BRSK1: variants seen among roughly 807,000 people sequenced by gnomAD.
BRSK1 encodes the protein BR serine/threonine kinase 1, also known as serine/threonine-protein kinase BRSK1.
Under a neutral mutation model 86.2 loss-of-function variants are expected in BRSK1, and 17 were observed. The observed-to-expected ratio is 0.20, with a 90% confidence interval of 0.14 to 0.30. The LOEUF (loss-of-function observed/expected upper bound fraction) is 0.30, where lower values mean the gene tolerates loss of function less well. Ranked by LOEUF, BRSK1 falls within the 10% of genes least tolerant of loss-of-function variation. BRSK1 has a pLI of 1.00. For synonymous variants in BRSK1, 464 were observed against 440.1 expected (o/e 1.05, Z -0.68); for missense variants, 719 against 1,071.9 (o/e 0.67, Z 4.60).
intron 7 of BRSK1, among the ~76,000 whole-genome samples, chr19:55,297,208 C>T (rs2088501776): frequency 6.6e-6 from 1 of 151,896 alleles, no homozygotes; most frequent in Non-Finnish European, 1.5e-5. Flanking sequence ...TCCCAAGTAG[C>T]AGGGACTACA....
At position 55,311,972 on chromosome 19, in the gene BRSK1, AC is replaced by A; in HGVS notation, c.2244del (p.Gly749AlafsTer7). The A allele has an allele frequency of 2.1e-6, 3 of 1,416,610 alleles. No individual in the cohort carries two copies. The highest frequency in any genetic ancestry group is 2.8e-6 in the Non-Finnish European group (3 of 1,056,464). 87.8% of individuals were successfully genotyped at this position (1,416,610 alleles called of 1,614,324 possible). On this transcript the variant is annotated frameshift_variant, in exon 19 of 19. Transcript: ENST00000309383. LOFTEE classifies it high-confidence loss of function. ...GAPPRSLQPPPGRPDPELSSS... is the reference protein window; with the variant it reads ...GAPPRSLQPPXGRPDPELSSS... Reference sequence around the variant, plus strand: ...CCCCACCCCGAAGCCTGCAGCCCCCACCCGGCCGCCCAGACCCAGAGCTGAG... The same window carrying A: ...CCCCACCCCGAAGCCTGCAGCCCCCACCGGCCGCCCAGACCCAGAGCTGAG...
Position 55,302,709 on chromosome 19 carries a change from C to A in BRSK1, c.870C>A (p.His290Gln), listed in dbSNP as rs1212688414. Reference sequence around the variant, plus strand: ...TCCACTTCCCCAGAGGCGGGAAACACGAGCCAGACCCGTGCCTGGAGCCAG... The same window carrying A: ...TCCACTTCCCCAGAGGCGGGAAACAAGAGCCAGACCCGTGCCTGGAGCCAG... ...QKHPWYLGGK[H>Q]EPDPCLEPAP... The change falls in exon 10 of 19, where the codon CAC becomes CAA. Residue 290 changes from histidine to glutamine, a missense_variant. His to Gln is a conservative substitution (Grantham distance 24). Transcript: ENST00000309383. The surrounding 1 kb of genome is among the most constrained non-coding windows in gnomAD (Gnocchi z 6.3). The A allele has an allele frequency of 2.5e-6, 4 of 1,605,954 alleles. No homozygotes were observed. The highest frequency in any genetic ancestry group is 1.1e-5 in the South Asian group (1 of 90,818).
Position 55,287,392 on chromosome 19 carries a change from G to A in BRSK1, c.317+93G>A. On this transcript the variant is annotated intron_variant, in intron 3 of 18. Transcript: ENST00000309383. The surrounding 1 kb of genome is among the most constrained non-coding windows in gnomAD (Gnocchi z 5.3). ...CAGAAACAGGGCCTAGGGGGACCTG[G>A]GGGACCTGCAGCTCTCCAGGCTGGA... 8.2e-7 allele frequency: 1 copy of A among 1,219,022 alleles called. No individual in the cohort carries two copies. Among genetic ancestry groups the A allele is most frequent in the Non-Finnish European group, 1.2e-6 (1 of 835,142 alleles). The allele number at this position is 1,219,022 out of a possible 1,614,324, so 75.5% of individuals were successfully genotyped here.
rs1165209035 is a variant in BRSK1 at position 55,287,157 on chromosome 19, CA to C, written c.232-56del. On this transcript the variant is annotated intron_variant, in intron 2 of 18. Coordinates refer to ENST00000309383, the MANE Select transcript of BRSK1 (RefSeq NM_032430.2). This position sits in a 1 kb window ranked among gnomAD's most constrained non-coding sequence, Gnocchi z 5.3. ...GTGGGGGGGCCTCCGGGGCTGAGGG[CA>C]GGGGCGGGGCCGTGCTGACCTCTTT... 2 of 1,608,972 alleles carry C rather than the reference CA, an allele frequency of 1.2e-6. No individual in the cohort carries two copies. Among genetic ancestry groups the C allele is most frequent in the Non-Finnish European group, 1.7e-6 (2 of 1,175,722 alleles).
In BRSK1 at chr19:55,304,604, CG is replaced by C; in HGVS notation, c.1406del (p.Gly469AlafsTer114). On this transcript the variant is annotated frameshift_variant, in exon 14 of 19. Coordinates refer to ENST00000309383, the MANE Select transcript of BRSK1 (RefSeq NM_032430.2). LOFTEE classifies it high-confidence loss of function. This position sits in a 1 kb window ranked among gnomAD's most constrained non-coding sequence, Gnocchi z 5.2. ...CGGGGGCTGGAGATGAGGCTCGAGG[CG>C]GGGGCTCCCCGACTTCCAAAACGCA... ...EPGAGDEARG[G>X]GSPTSKTQTL... 4 of 1,575,628 alleles carry C rather than the reference CG, an allele frequency of 2.5e-6. No homozygotes were observed. The highest frequency in any genetic ancestry group is 1.8e-5 in the Admixed American group (1 of 54,166).
intron 7 of BRSK1, among the ~76,000 whole-genome samples, chr19:55,296,154 A>G (rs934917296): frequency 7.0e-6 from 1 of 143,138 alleles, no homozygotes; most frequent in African/African-American, 2.6e-5. Flanking sequence ...CCTCCTCCCC[A>G]CTCCTGTAAG....
In BRSK1 at chr19:55,304,644, C is replaced by T. The variant is rs1264192115; in HGVS notation, c.1441C>T (p.Arg481Trp). Residue 481 changes from arginine (R) to tryptophan (W), a missense_variant, in exon 14 of 19, where the codon CGG becomes TGG. By Grantham distance (101) the Arg-to-Trp change is moderately radical. This residue lies in a region of BRSK1 where 143 missense variants were observed against 120.1 expected (regional missense o/e 1.19). Coordinates refer to ENST00000309383, the MANE Select transcript of BRSK1 (RefSeq NM_032430.2). This position sits in a 1 kb window ranked among gnomAD's most constrained non-coding sequence, Gnocchi z 5.2. The part of the protein sequence containing the change: ...PTSKTQTLPS[R>W]GPRGGGAGEQ... ...TTCCAAAACGCAGACGCTGCCTTCT[C>T]GGGGCCCCAGGGGTGGGGGCGCCGG... 4.6e-6 allele frequency: 7 copies of T among 1,524,832 alleles called. No homozygotes were observed. The highest frequency in any genetic ancestry group is 6.1e-6 in the Non-Finnish European group (7 of 1,139,756). 94.5% of individuals were successfully genotyped at this position (1,524,832 alleles called of 1,614,324 possible).
In BRSK1 at chr19:55,303,624, G is replaced by A; in HGVS notation, c.1127-43G>A. The stretch of plus-strand genomic sequence containing the variant: ...TTTCTGAGGCAGTTGTACACAGCTG[G>A]GTGAAACCATCTCTTGATTGGGTTG... On this transcript the variant is annotated intron_variant, in intron 11 of 18. Coordinates refer to ENST00000309383, the MANE Select transcript of BRSK1 (RefSeq NM_032430.2). This position sits in a 1 kb window ranked among gnomAD's most constrained non-coding sequence, Gnocchi z 5.1. The A allele has an allele frequency of 6.4e-7, 1 of 1,568,976 alleles. No individual in the cohort carries two copies. Among genetic ancestry groups the A allele is most frequent in the Non-Finnish European group, 8.7e-7 (1 of 1,154,814 alleles).
Position 55,303,604 on chromosome 19 carries a change from G to A in BRSK1, c.1127-63G>A. On this transcript the variant is annotated intron_variant, in intron 11 of 18. Coordinates refer to ENST00000309383, the MANE Select transcript of BRSK1 (RefSeq NM_032430.2). This position sits in a 1 kb window ranked among gnomAD's most constrained non-coding sequence, Gnocchi z 5.1. ...CTGTTTCCCCATGTGTGCAGTTTCT[G>A]AGGCAGTTGTACACAGCTGGGTGAA... 6.4e-7 allele frequency: 1 copy of A among 1,551,382 alleles called. No homozygotes were observed. Among genetic ancestry groups the A allele is most frequent in the Non-Finnish European group, 8.7e-7 (1 of 1,146,154 alleles).
intron 8 of BRSK1, among the ~76,000 whole-genome samples, 166 bp downstream of exon 8, chr19:55,301,824 A>G (rs1344506019): frequency 1.3e-5 from 2 of 152,186 alleles, no homozygotes; most frequent in South Asian, 2.1e-4. Flanking sequence ...TGCCGCTCCA[A>G]ACTGGGGAGG....
In BRSK1 at chr19:55,303,841, C is replaced by T. The variant is rs757178197; in HGVS notation, c.1286+15C>T. ...CACAGCCAGAGGTGGGAGCCCCTGT[C>T]CCTCCAGGAGGATCCACAATCCCTG... On this transcript the variant is annotated intron_variant, in intron 12 of 18. Transcript: ENST00000309383. The surrounding 1 kb of genome is among the most constrained non-coding windows in gnomAD (Gnocchi z 5.1). 2 of 1,557,076 alleles carry T rather than the reference C, an allele frequency of 1.3e-6. No homozygotes were observed. The highest frequency in any genetic ancestry group is 1.2e-5 in the South Asian group (1 of 81,734).
intron 17 of BRSK1, among the ~76,000 whole-genome samples, chr19:55,307,985 C>T (rs981622735): frequency 2.3e-4 from 35 of 150,396 alleles, no homozygotes; most frequent in African/African-American, 2.5e-4. Flanking sequence ...AGACTTTCTC[C>T]GATTTCTTTT....
intron 4 of BRSK1, among the ~76,000 whole-genome samples, chr19:55,289,912 C>T (rs1159419985): frequency 6.6e-6 from 1 of 152,202 alleles, no homozygotes; most frequent in African/African-American, 2.4e-5. Context: ...CAGCCCCCGG[C>T]AACCTATGTT....
chr19:55,304,752 T>A lies in BRSK1; in HGVS notation c.1549T>A (p.Leu517Met). 1 of 1,527,358 alleles carries A rather than the reference T, an allele frequency of 6.5e-7. No homozygotes were observed. Among genetic ancestry groups the A allele is most frequent in the Non-Finnish European group, 8.8e-7 (1 of 1,142,586 alleles). The allele number at this position is 1,527,358 out of a possible 1,614,324, so 94.6% of individuals were successfully genotyped here. A position where few individuals can be genotyped will look rare whatever the true frequency, so the allele number is the denominator to read the frequency against. The change falls in exon 14 of 19, where the codon TTG becomes ATG. Residue 517 changes from leucine (L) to methionine (M), a missense_variant. Leu to Met is a conservative substitution (Grantham distance 15). Transcript: ENST00000309383. This position sits in a 1 kb window ranked among gnomAD's most constrained non-coding sequence, Gnocchi z 5.2. ...CCCGCGCTCCTCTGGCGGGACCCCC[T>A]TGCACTCGCCTCTGCACACGCCCCG... ...GSPRSSGGTPLHSPLHTPRAS... is the reference protein window; with the variant it reads ...GSPRSSGGTPMHSPLHTPRAS...
Position 55,312,204 on chromosome 19 carries a change from G to A in BRSK1, c.*136G>A, listed in dbSNP as rs1873141031. ...AAAACCGGCCTTGCCCTGCAGGGAT[G>A]GGGCTCCACAGGCCGTGCCCAACTG... On this transcript the variant is annotated 3_prime_UTR_variant, in exon 19 of 19. Coordinates refer to ENST00000309383, the MANE Select transcript of BRSK1 (RefSeq NM_032430.2). 1 of 482,170 alleles carries A rather than the reference G, an allele frequency of 2.1e-6. No homozygotes were observed. Among genetic ancestry groups the A allele is most frequent in the Admixed American group, 3.9e-5 (1 of 25,590 alleles). The allele number at this position is 482,170 out of a possible 1,614,324, so 29.9% of individuals were successfully genotyped here.
chr19:55,299,432 A>G (rs955648373), intron 7 of BRSK1, among the ~76,000 whole-genome samples: 10 of 149,866 alleles, frequency 6.7e-5, no homozygotes, highest in Non-Finnish European at 1.5e-4. Context: ...GTCACCTAGG[A>G]TGGAGTGCAG....
intron 18 of BRSK1, among the ~76,000 whole-genome samples, chr19:55,311,554 C>G (rs1443955359): frequency 6.6e-6 from 1 of 152,160 alleles, no homozygotes; most frequent in Non-Finnish European, 1.5e-5. Flanking sequence ...TTGCTGTGAA[C>G]GTTGAGCACC....
In BRSK1 at chr19:55,284,130, C is replaced by T; in HGVS notation, c.-313C>T. On this transcript the variant is annotated 5_prime_UTR_variant, in exon 1 of 19. Transcript: ENST00000309383. ...GCCTGCAGCATCCGCCGGCCCGCAC[C>T]TCAGACCCCCCCGGCGGGGGGAGGC... 1 of 1,186,814 alleles carries T rather than the reference C, an allele frequency of 8.4e-7. No homozygotes were observed. The highest frequency in any genetic ancestry group is 1.1e-6 in the Non-Finnish European group (1 of 947,884). 73.5% of individuals were successfully genotyped at this position (1,186,814 alleles called of 1,614,324 possible). A position where few individuals can be genotyped will look rare whatever the true frequency, so the allele number is the denominator to read the frequency against.
In BRSK1 at chr19:55,304,877, C is replaced by T. The variant is rs1220206227; in HGVS notation, c.1674C>T (p.Asn558=). 3 of 1,609,738 alleles carry T rather than the reference C, an allele frequency of 1.9e-6. No homozygotes were observed. The highest frequency in any genetic ancestry group is 1.7e-5 in the Admixed American group (1 of 59,970). The change falls in exon 14 of 19, where the codon AAC becomes AAT. Residue 558 remains asparagine (N), a synonymous_variant. Coordinates refer to ENST00000309383, the MANE Select transcript of BRSK1 (RefSeq NM_032430.2). This position sits in a 1 kb window ranked among gnomAD's most constrained non-coding sequence, Gnocchi z 5.2. ...GGAGTCGTCTCAACTCCATCCGCAA[C>T]AGCTTCCTGGGCTCCCCTCGCTTTC... The part of the protein sequence containing the change: ...AWRSRLNSIR[N]SFLGSPRFHR...
Sources: gnomAD v4.1 joint callset for allele counts (sites outside exome capture counted in the v4.1 genomes callset) on GRCh38, gnomAD v4.1.1 for gene constraint, gnomAD v4.1.1 regional missense constraint, Gnocchi (gnomAD v3.1) non-coding constraint, MANE v1.5 for transcripts, NCBI Gene and HGNC (gene_info 2026-07-23, HGNC 2026-07-21) for gene names.